ERC2: variants seen among roughly 807,000 people sequenced by gnomAD.
The protein encoded by ERC2 is ERC protein 2.
A neutral mutation model predicts 114.8 loss-of-function variants in ERC2; 42 were observed. The ratio of observed to expected loss-of-function variants is 0.37; its 90% CI spans 0.29 to 0.47. The LOEUF (loss-of-function observed/expected upper bound fraction) is 0.47, where lower values mean the gene tolerates loss of function less well. Among genes scored for constraint, ERC2 ranks in the 20% least tolerant of loss-of-function variants. The pLI is 0.99. For missense variants in ERC2, 939 were observed against 1,150.7 expected, an observed-to-expected ratio of 0.82 and a Z score of 2.66; for synonymous variants, 454 against 425.5, an observed-to-expected ratio of 1.07 and a Z score of -0.82.
intron 3 of ERC2, among the ~76,000 whole-genome samples, chr3:56,196,048 T>C (rs1025884932): frequency 1.3e-5 from 2 of 152,106 alleles, no homozygotes; most frequent in Non-Finnish European, 2.9e-5. Context: ...GGAGAGTATA[T>C]GCATACTGAT....
At chr3:56,306,154 T>C (rs1468102060) in intron 2 of ERC2, among the ~76,000 whole-genome samples, 2 of 152,132 alleles carry the variant, frequency 1.3e-5, no homozygotes, top group Admixed American at 6.5e-5. Context: ...CAGCCTTATA[T>C]ATTGTCTATT....
In ERC2 at chr3:56,357,087, C is replaced by T. The variant is rs60673518; in HGVS notation, c.658-60652G>A. ...TCTCTACTGCAACCTCTCAACTCTG[C>T]CTGTCATTGTAGTGCAAAAGCAGCC... On this transcript the variant is annotated intron_variant, in intron 2 of 17. Coordinates refer to ENST00000288221, the MANE Select transcript of ERC2 (RefSeq NM_015576.3). Among the ~76,000 whole-genome samples, 1,487 of 152,296 alleles carry T rather than the reference C, an allele frequency of 9.8e-3. 18 individuals are homozygous for T. Among genetic ancestry groups the T allele is most frequent in the African/African-American group, 0.034 (1,424 of 41,564 alleles).
At chr3:56,349,754 A>C (rs577798961) in intron 2 of ERC2, among the ~76,000 whole-genome samples, 1 of 152,188 alleles carries the variant, frequency 6.6e-6, no homozygotes, top group Non-Finnish European at 1.5e-5. Flanking sequence ...AAAATACAAA[A>C]ACACAAAAAT....
At chr3:55,671,972 A>G (rs1322889821) in intron 17 of ERC2, among the ~76,000 whole-genome samples, 1 of 152,232 alleles carries the variant, frequency 6.6e-6, no homozygotes, top group East Asian at 1.9e-4. Flanking sequence ...GAAGGCCTGC[A>G]GTGGAGAAAC....
chr3:55,733,047 C>A (rs1371973382), intron 15 of ERC2, among the ~76,000 whole-genome samples: 1 of 152,136 alleles, frequency 6.6e-6, no homozygotes, highest in African/African-American at 2.4e-5. Context: ...GCCGTAATAT[C>A]TGGACTGTGG....
chr3:55,562,711 C>A (rs11706755), intron 17 of ERC2, among the ~76,000 whole-genome samples: 27,074 of 151,696 alleles, frequency 0.18, 2,729 homozygotes, highest in Middle Eastern at 0.26. Context: ...TTTTTCATTT[C>A]TTTCCAGCTG....
At chr3:56,194,717 T>C (rs990896854) in intron 3 of ERC2, among the ~76,000 whole-genome samples, 8 of 152,142 alleles carry the variant, frequency 5.3e-5, no homozygotes, top group Non-Finnish European at 1.0e-4. Context: ...CACTAGGGGA[T>C]AGGAATTTTT....
At chr3:55,572,478 G>C (rs960552977) in intron 17 of ERC2, among the ~76,000 whole-genome samples, 2 of 152,166 alleles carry the variant, frequency 1.3e-5, no homozygotes, top group Admixed American at 6.5e-5. Context: ...ATAACACCAG[G>C]GGCCATTTTT....
At chr3:55,855,120 A>G (rs541139437) in intron 14 of ERC2, among the ~76,000 whole-genome samples, 2 of 152,326 alleles carry the variant, frequency 1.3e-5, no homozygotes, top group East Asian at 1.9e-4. Context: ...GAAACACTCA[A>G]AAGGAGGTGA....
intron 13 of ERC2, among the ~76,000 whole-genome samples, chr3:55,943,242 C>G (rs2066916868): frequency 6.6e-6 from 1 of 152,158 alleles, no homozygotes; most frequent in Non-Finnish European, 1.5e-5. Context: ...GGTATGCTGT[C>G]AGAATTTTTT....
chr3:56,277,135 A>G (rs1317801632), intron 3 of ERC2, among the ~76,000 whole-genome samples: 2 of 152,236 alleles, frequency 1.3e-5, no homozygotes, highest in Admixed American at 1.3e-4. Context: ...ACTGAATGCA[A>G]GAGTGAATGA....
At chr3:56,414,557 T>TA (rs2061071570) in intron 2 of ERC2, among the ~76,000 whole-genome samples, 1 of 151,982 alleles carries the variant, frequency 6.6e-6, no homozygotes, top group Non-Finnish European at 1.5e-5. Flanking sequence ...ATTTAGACTC[T>TA]ACTAAAAATA....
At chr3:55,652,859 CAAAAAA>C (rs3059334) in intron 17 of ERC2, among the ~76,000 whole-genome samples, 1 of 74,376 alleles carries the variant, frequency 1.3e-5, no homozygotes, top group East Asian at 4.3e-4. Context: ...GACTCTGTCT[CAAAAAA>C]AAAAAAAAAA....
intron 3 of ERC2, among the ~76,000 whole-genome samples, chr3:56,261,482 G>C (rs1213748435): frequency 6.6e-6 from 1 of 151,958 alleles, no homozygotes; most frequent in Non-Finnish European, 1.5e-5. Context: ...GATCCTCCCT[G>C]CCTCTCCTAC....
intron 14 of ERC2, among the ~76,000 whole-genome samples, chr3:55,782,604 A>C (rs9818876): frequency 0.028 from 4,204 of 152,310 alleles, 223 homozygotes; most frequent in African/African-American, 0.096. Context: ...AGTGCTGGGA[A>C]CACAGCAGTA....
intron 7 of ERC2, among the ~76,000 whole-genome samples, chr3:56,049,765 G>C (rs1323294779): frequency 6.6e-6 from 1 of 151,822 alleles, no homozygotes; most frequent in African/African-American, 2.4e-5. Flanking sequence ...ATGGACTATT[G>C]TGGGACCTTG....
Position 55,699,402 on chromosome 3 carries a change from G to T in ERC2, c.2823C>A (p.Ser941=), listed in dbSNP as rs770490093. ...HHRSPGRSQH[S]NHRPSPDQDD... ...CCTGGTCCGGAGAGGGCCTGTGATT[G>T]GAATGTTGCGACCTCCCAGGAGATC... is the stretch of plus-strand genomic sequence containing the variant. Residue 941 remains serine (S), a synonymous_variant, in exon 16 of 18, where the codon TCC becomes TCA. Coordinates refer to ENST00000288221, the MANE Select transcript of ERC2 (RefSeq NM_015576.3). 3.1e-6 allele frequency: 5 copies of T among 1,613,724 alleles called. No individual in the cohort carries two copies. The African/African-American group carries it at 6.7e-5, about 22-fold the overall frequency.
At chr3:56,199,725 T>C (rs1243177103) in intron 3 of ERC2, among the ~76,000 whole-genome samples, 1 of 152,026 alleles carries the variant, frequency 6.6e-6, no homozygotes, top group African/African-American at 2.4e-5. Context: ...CCGAGGCTGC[T>C]CTGGAACCCC....
At chr3:55,951,084 G>A (rs73086154) in intron 12 of ERC2, among the ~76,000 whole-genome samples, 43,395 of 152,098 alleles carry the variant, frequency 0.29, 7,383 homozygotes, top group Non-Finnish European at 0.35. Flanking sequence ...CAGGAAAGAA[G>A]AAACTGGAAG....
Sources: gnomAD v4.1 joint callset for allele counts (sites outside exome capture counted in the v4.1 genomes callset) on GRCh38, gnomAD v4.1.1 for gene constraint, MANE v1.5 for transcripts, NCBI Gene and HGNC (gene_info 2026-07-23, HGNC 2026-07-21) for gene names.